DLG2: variants seen among roughly 807,000 people sequenced by gnomAD.
DLG2 encodes discs large MAGUK scaffold protein 2, also known as disks large homolog 2.
In DLG2, 45 loss-of-function variants were observed where a neutral mutation model predicts 132.5. The observed-to-expected ratio is 0.34, with a 90% confidence interval of 0.27 to 0.44. DLG2 has a LOEUF of 0.44. Among genes scored for constraint, DLG2 ranks in the 20% least tolerant of loss-of-function variants. The probability of loss-of-function intolerance (pLI) is 1.00; values close to 1 mark genes in which losing one functional copy is unlikely to be tolerated. For missense variants in DLG2, 1,045 were observed against 1,196.9 expected (o/e 0.87, Z 1.87); for synonymous variants, 424 against 419.6 (o/e 1.01, Z -0.13).
At chr11:84,921,779 A>G (rs556303675) in intron 6 of DLG2, among the ~76,000 whole-genome samples, 2 of 152,346 alleles carry the variant, frequency 1.3e-5, no homozygotes, top group African/African-American at 4.8e-5. Context: ...ATACTTTGGA[A>G]CAGAAGATGA....
intron 6 of DLG2, among the ~76,000 whole-genome samples, chr11:85,014,650 C>A (rs1309545076): frequency 6.6e-6 from 1 of 152,070 alleles, no homozygotes; most frequent in African/African-American, 2.4e-5. Flanking sequence ...TGGTTTTAAC[C>A]CTCCAGAAGA....
At chr11:83,830,683 G>T (rs1181519064) in intron 17 of DLG2, among the ~76,000 whole-genome samples, 1 of 152,218 alleles carries the variant, frequency 6.6e-6, no homozygotes, top group Non-Finnish European at 1.5e-5. Flanking sequence ...TGAAAAGAAA[G>T]TGTGCTGAGA....
At chr11:85,497,649 A>G (rs770844559) in intron 3 of DLG2, among the ~76,000 whole-genome samples, 3 of 152,182 alleles carry the variant, frequency 2.0e-5, no homozygotes, top group Non-Finnish European at 4.4e-5. Flanking sequence ...GGTTGAAATG[A>G]AGGAAAAAAA....
At chr11:83,930,715 A>T (rs1242792725) in intron 14 of DLG2, among the ~76,000 whole-genome samples, 1 of 152,186 alleles carries the variant, frequency 6.6e-6, no homozygotes, top group African/African-American at 2.4e-5. Flanking sequence ...GTCCAATGTG[A>T]TGTGAGTGCT....
intron 6 of DLG2, among the ~76,000 whole-genome samples, chr11:84,609,752 A>G (rs2099592123): frequency 6.6e-6 from 1 of 152,136 alleles, no homozygotes. Context: ...GAGGATGTTG[A>G]GTGAATTAGC....
intron 15 of DLG2, among the ~76,000 whole-genome samples, chr11:83,881,230 C>A (rs1287348276): frequency 6.6e-6 from 1 of 152,138 alleles, no homozygotes; most frequent in Admixed American, 6.5e-5. Context: ...TGGACTTTTA[C>A]AATTTGCTGA....
chr11:84,912,071 G>A (rs2092110314), intron 6 of DLG2, among the ~76,000 whole-genome samples: 1 of 152,152 alleles, frequency 6.6e-6, no homozygotes, highest in African/African-American at 2.4e-5. Context: ...AGCTACATAA[G>A]CCAGTTTGAG....
chr11:84,575,841 A>G (rs1405614241), intron 6 of DLG2, among the ~76,000 whole-genome samples: 1 of 152,126 alleles, frequency 6.6e-6, no homozygotes, highest in African/African-American at 2.4e-5. Context: ...ATTTCTGTCA[A>G]TCCACATCTG....
intron 6 of DLG2, among the ~76,000 whole-genome samples, chr11:84,869,109 A>G (rs923437272): frequency 6.6e-6 from 1 of 152,222 alleles, no homozygotes; most frequent in African/African-American, 2.4e-5. Context: ...AGCTGCTGTA[A>G]TATCACTATT....
intron 6 of DLG2, among the ~76,000 whole-genome samples, chr11:85,048,991 A>G (rs895082835): frequency 1.3e-5 from 2 of 152,082 alleles, no homozygotes; most frequent in Non-Finnish European, 2.9e-5. Context: ...TTAAAATTCA[A>G]TAACCCTATA....
At chr11:83,728,537 T>A (rs2090435198) in intron 18 of DLG2, among the ~76,000 whole-genome samples, 1 of 152,238 alleles carries the variant, frequency 6.6e-6, no homozygotes, top group South Asian at 2.1e-4. Context: ...CCTATATGCC[T>A]GTTATTCCAG....
At chr11:84,714,647 T>TTCTCTCTCTCTCTCTCTCTCTCTC (rs754541162) in intron 6 of DLG2, among the ~76,000 whole-genome samples, 1 of 90,648 alleles carries the variant, frequency 1.1e-5, no homozygotes. Flanking sequence ...CTCTCTCTCT[T>TTCTCTCTCTCTCTCTCTCTCTCTC]TCTCTCTCTC....
chr11:83,489,952 C>A (rs1481595821), intron 21 of DLG2, among the ~76,000 whole-genome samples: 3 of 128,414 alleles, frequency 2.3e-5, no homozygotes, highest in Non-Finnish European at 5.4e-5. Flanking sequence ...TAATTAGAGG[C>A]ATGAGATATA....
At chr11:84,407,367 G>A (rs560774804) in intron 7 of DLG2, among the ~76,000 whole-genome samples, 14 of 151,830 alleles carry the variant, frequency 9.2e-5, no homozygotes, top group African/African-American at 3.4e-4. Context: ...TTCTTTTGTT[G>A]CCTTTCACGG....
intron 7 of DLG2, among the ~76,000 whole-genome samples, chr11:84,502,398 CTT>C (rs1396523079): frequency 2.7e-3 from 254 of 94,644 alleles, no homozygotes; most frequent in Middle Eastern, 0.015. Flanking sequence ...TTCTTTCTTT[CTT>C]TCTTTCTTTC....
intron 3 of DLG2, among the ~76,000 whole-genome samples, chr11:85,506,357 C>G (rs901622069): frequency 2.0e-5 from 3 of 152,120 alleles, no homozygotes; most frequent in Non-Finnish European, 4.4e-5. Flanking sequence ...GCATTTAGTG[C>G]TATAAATTTC....
At chr11:85,458,245 C>T (rs886698087) in intron 3 of DLG2, among the ~76,000 whole-genome samples, 2 of 152,014 alleles carry the variant, frequency 1.3e-5, no homozygotes, top group South Asian at 2.1e-4. Context: ...CTTGTGATTG[C>T]ATTATAAAAT....
At chr11:84,411,516 A>G (rs2098903310) in intron 7 of DLG2, among the ~76,000 whole-genome samples, 1 of 152,190 alleles carries the variant, frequency 6.6e-6, no homozygotes, top group African/African-American at 2.4e-5. Context: ...GAAAGTGGGC[A>G]ATGACTCTGT....
chr11:84,914,568 C>T lies in DLG2; in HGVS notation c.357+197093G>A, dbSNP rs191048665. 8.4e-4 allele frequency among the ~76,000 whole-genome samples: 128 copies of T among 152,328 alleles called. 1 individual carries two copies. Among genetic ancestry groups the T allele is most frequent in the Admixed American group, 8.3e-3 (127 of 15,302 alleles). ...ATAGGTTATCAGGCCCATAAGAATT[C>T]TTCTGGTCCCTGGCTAATGAAAGAA... On this transcript the variant is annotated intron_variant, in intron 6 of 27. Transcript: ENST00000376104.
Sources: allele counts gnomAD v4.1 joint callset (sites outside exome capture counted in the v4.1 genomes callset), GRCh38; gene constraint gnomAD v4.1.1; transcripts MANE v1.5; gene names NCBI Gene and HGNC (gene_info 2026-07-23, HGNC 2026-07-21).